Variants in SLC9A9 observed in about 807,000 individuals in gnomAD.
The protein encoded by SLC9A9 is sodium/hydrogen exchanger 9.
Under a neutral mutation model 77.8 loss-of-function variants are expected in SLC9A9, and 62 were observed. The observed-to-expected ratio is 0.80, with a 90% CI of 0.65 to 0.98. The LOEUF (loss-of-function observed/expected upper bound fraction) is 0.98. Among genes scored for constraint, SLC9A9 ranks in the 50% least tolerant of loss-of-function variants. The pLI, the probability that SLC9A9 is intolerant of heterozygous loss-of-function variation, is 0.00. For synonymous variants in SLC9A9, 320 were observed against 283.5 expected (o/e 1.13, Z -1.29); for missense variants, 775 against 774.9 (o/e 1.00, Z 0.00).
intron 9 of SLC9A9, among the ~76,000 whole-genome samples, chr3:143,538,171 G>A (rs964060835): frequency 6.6e-6 from 1 of 152,154 alleles, no homozygotes; most frequent in Non-Finnish European, 1.5e-5. Flanking sequence ...GAAATTACAT[G>A]AAACATTTGG....
chr3:143,578,309 T>C (rs185609435), intron 7 of SLC9A9, among the ~76,000 whole-genome samples: 362 of 152,308 alleles, frequency 2.4e-3, no homozygotes, highest in African/African-American at 8.5e-3. Context: ...TCCTAGGTGA[T>C]ATTTATTTAA....
chr3:143,737,199 A>G (rs897480500), intron 4 of SLC9A9, among the ~76,000 whole-genome samples: 2 of 152,150 alleles, frequency 1.3e-5, no homozygotes, highest in Non-Finnish European at 2.9e-5. Context: ...CTGCTCCAGT[A>G]TTTTAATTAG....
chr3:143,347,988 C>T (rs1347316863), intron 14 of SLC9A9, among the ~76,000 whole-genome samples: 3 of 150,904 alleles, frequency 2.0e-5, no homozygotes, highest in Admixed American at 1.3e-4. Flanking sequence ...CCAGCTCAGT[C>T]GAAAGCTGGA....
intron 12 of SLC9A9, among the ~76,000 whole-genome samples, chr3:143,384,919 C>A (rs1351744392): frequency 6.6e-6 from 1 of 152,152 alleles, no homozygotes; most frequent in Non-Finnish European, 1.5e-5. Flanking sequence ...GAAACAATGC[C>A]TTCTTTCACT....
At chr3:143,733,054 C>A (rs1031817749) in intron 4 of SLC9A9, among the ~76,000 whole-genome samples, 4 of 152,050 alleles carry the variant, frequency 2.6e-5, no homozygotes, top group Non-Finnish European at 4.4e-5. Context: ...GCATTTTTCC[C>A]AAGTAATTTC....
intron 9 of SLC9A9, among the ~76,000 whole-genome samples, chr3:143,512,853 T>A (rs978603316): frequency 7.2e-5 from 11 of 152,168 alleles, no homozygotes; most frequent in African/African-American, 2.2e-4. Context: ...CCAGCCTGGG[T>A]GACAGAGCGA....
At chr3:143,687,678 G>A (rs1430149944) in intron 5 of SLC9A9, among the ~76,000 whole-genome samples, 2 of 152,056 alleles carry the variant, frequency 1.3e-5, no homozygotes, top group African/African-American at 4.8e-5. Context: ...GTTAGATCTA[G>A]AAGGATATTA....
intron 6 of SLC9A9, among the ~76,000 whole-genome samples, chr3:143,642,308 A>T (rs929673448): frequency 1.3e-5 from 2 of 152,194 alleles, no homozygotes; most frequent in African/African-American, 4.8e-5. Context: ...GGTTGCTTTT[A>T]AAATTTCTTC....
In SLC9A9 at chr3:143,848,391, G is replaced by A. The variant is rs563032511; in HGVS notation, c.-69C>T. 1 of 1,599,568 alleles carries A rather than the reference G, an allele frequency of 6.3e-7. No individual in the cohort carries two copies. The highest frequency in any genetic ancestry group is 8.6e-7 in the Non-Finnish European group (1 of 1,167,810). Reference sequence around the variant, plus strand: ...GGCTATTTTATCAAGATTTGCCTAAGACAGTCTGACTGCCTGAGAATTTCA... The same window carrying A: ...GGCTATTTTATCAAGATTTGCCTAAAACAGTCTGACTGCCTGAGAATTTCA... On this transcript the variant is annotated 5_prime_UTR_variant, in exon 1 of 16. Transcript: ENST00000316549.
At chr3:143,709,882 G>A (rs1425523073) in intron 4 of SLC9A9, among the ~76,000 whole-genome samples, 1 of 152,096 alleles carries the variant, frequency 6.6e-6, no homozygotes, top group Non-Finnish European at 1.5e-5. Flanking sequence ...GCTCCACAAA[G>A]ACTTGTTTTT....
At chr3:143,670,139 C>T (rs1163701719) in intron 5 of SLC9A9, among the ~76,000 whole-genome samples, 1 of 152,096 alleles carries the variant, frequency 6.6e-6, no homozygotes, top group Non-Finnish European at 1.5e-5. Context: ...ATTCTGTGTC[C>T]ATTTACTTTG....
intron 4 of SLC9A9, among the ~76,000 whole-genome samples, chr3:143,776,231 G>A (rs2007687118): frequency 2.0e-5 from 3 of 152,148 alleles, no homozygotes; most frequent in South Asian, 4.2e-4. Context: ...ACATATAATA[G>A]CAAACTATGT....
chr3:143,573,853 G>A (rs1162200997), intron 8 of SLC9A9, among the ~76,000 whole-genome samples: 3 of 152,208 alleles, frequency 2.0e-5, no homozygotes, highest in Admixed American at 1.3e-4. Flanking sequence ...CCAGCCAGGA[G>A]AAGAGAGGAA....
chr3:143,822,434 G>C (rs148627735), intron 2 of SLC9A9, among the ~76,000 whole-genome samples: 1 of 152,054 alleles, frequency 6.6e-6, no homozygotes, highest in Non-Finnish European at 1.5e-5. Flanking sequence ...ACTTAGTCCT[G>C]TGATCAGAAA....
Position 143,543,591 on chromosome 3 carries a change from T to G in SLC9A9, c.1089+8771A>C, listed in dbSNP as rs138822377. ...AGTGTCTACTGTTGCCATCTTTATGTCCATGAGTGCCCAACGTTTATCTCC... is the reference window on the plus strand; with the variant it reads ...AGTGTCTACTGTTGCCATCTTTATGGCCATGAGTGCCCAACGTTTATCTCC... On this transcript the variant is annotated intron_variant, in intron 9 of 15. Coordinates refer to ENST00000316549, the MANE Select transcript of SLC9A9 (RefSeq NM_173653.4). Among the ~76,000 whole-genome samples, 256 of 152,250 alleles carry G rather than the reference T, an allele frequency of 1.7e-3. 1 individual carries two copies. Among genetic ancestry groups the G allele is most frequent in the Admixed American group, 4.4e-3 (67 of 15,294 alleles).
At chr3:143,520,355 A>C (rs1333126287) in intron 9 of SLC9A9, among the ~76,000 whole-genome samples, 1 of 152,180 alleles carries the variant, frequency 6.6e-6, no homozygotes, top group African/African-American at 2.4e-5. Flanking sequence ...TCCTCTGTCC[A>C]TCATGTGCGG....
At chr3:143,446,973 C>T (rs552907767) in intron 12 of SLC9A9, among the ~76,000 whole-genome samples, 3 of 152,176 alleles carry the variant, frequency 2.0e-5, no homozygotes, top group South Asian at 4.1e-4. Flanking sequence ...ATATGTGTGA[C>T]AAAGTGATTC....
intron 5 of SLC9A9, among the ~76,000 whole-genome samples, chr3:143,689,671 T>C (rs972247391): frequency 4.1e-5 from 5 of 122,658 alleles, no homozygotes; most frequent in Non-Finnish European, 7.2e-5. Context: ...TGGCCTCACA[T>C]AGGGTTGGGA....
In SLC9A9 at chr3:143,461,008, G is replaced by C. The variant is rs1158667092; in HGVS notation, c.1469+6029C>G. ...AACTGGTTTTCCATGTTTCATGAGAGAGCATATTTCTCAGGTCTGCGGATT... is the reference window on the plus strand; with the variant it reads ...AACTGGTTTTCCATGTTTCATGAGACAGCATATTTCTCAGGTCTGCGGATT... On this transcript the variant is annotated intron_variant, in intron 12 of 15. Coordinates refer to ENST00000316549, the MANE Select transcript of SLC9A9 (RefSeq NM_173653.4). 3.3e-5 allele frequency among the ~76,000 whole-genome samples: 5 copies of C among 152,274 alleles called. No individual in the cohort carries two copies. The South Asian group carries it at 6.2e-4, about 19-fold the overall frequency.
Sources: gnomAD v4.1 joint callset for allele counts (sites outside exome capture counted in the v4.1 genomes callset) on GRCh38, gnomAD v4.1.1 for gene constraint, MANE v1.5 for transcripts, NCBI Gene and HGNC (gene_info 2026-07-23, HGNC 2026-07-21) for gene names.